The following PIP5K1C variants were observed in gnomAD, a reference collection of about 807,000 sequenced individuals.
PIP5K1C encodes the protein phosphatidylinositol 4-phosphate 5-kinase type-1 gamma.
In PIP5K1C, 45 loss-of-function variants were observed where a neutral mutation model predicts 80.1. The ratio of observed to expected loss-of-function variants is 0.56; its 90% confidence interval spans 0.44 to 0.72. The LOEUF (loss-of-function observed/expected upper bound fraction) is 0.72. Among genes scored for constraint, PIP5K1C ranks in the 30% least tolerant of loss-of-function variants. The probability of loss-of-function intolerance (pLI) is 0.00; values close to 1 mark genes in which losing one functional copy is unlikely to be tolerated. For missense variants in PIP5K1C, 753 were observed against 954.6 expected (o/e 0.79, Z 2.78); for synonymous variants, 498 against 420.1 (o/e 1.19, Z -2.27).
intron 1 of PIP5K1C, among the ~76,000 whole-genome samples, 193 bp from the exon 2 acceptor site, chr19:3,667,546 TG>T (rs1286043925): frequency 3.3e-5 from 5 of 152,178 alleles, no homozygotes; most frequent in Non-Finnish European, 7.4e-5. Flanking sequence ...TGGGGGCCAC[TG>T]GGGCCTGCCA....
intron 10 of PIP5K1C, among the ~76,000 whole-genome samples, chr19:3,646,903 AGAGG>A (rs1255479502): frequency 1.3e-5 from 2 of 151,614 alleles, no homozygotes; most frequent in Non-Finnish European, 2.9e-5. Flanking sequence ...ACAGGAGGAC[AGAGG>A]GAGGAAGGAT....
chr19:3,665,905 C>T (rs2034991016), intron 2 of PIP5K1C, among the ~76,000 whole-genome samples: 1 of 152,140 alleles, frequency 6.6e-6, no homozygotes, highest in South Asian at 2.1e-4. Flanking sequence ...CTCCACTGGC[C>T]AGACCCCATC....
intron 1 of PIP5K1C, among the ~76,000 whole-genome samples, chr19:3,675,397 TG>T (rs2035327249): frequency 6.6e-6 from 1 of 152,158 alleles, no homozygotes; most frequent in African/African-American, 2.4e-5. Context: ...TTGGGGGACT[TG>T]GTCAAGGCTT....
intron 11 of PIP5K1C, among the ~76,000 whole-genome samples, chr19:3,645,216 GC>G (rs1359545934): frequency 2.0e-5 from 3 of 152,162 alleles, no homozygotes; most frequent in Non-Finnish European, 4.4e-5. Flanking sequence ...GATCATTCAT[GC>G]CCCCCACCAG....
At position 3,698,625 on chromosome 19, in the gene PIP5K1C, G is replaced by A. The variant is rs370709108; in HGVS notation, c.94+1672C>T. Among the ~76,000 whole-genome samples the A allele has an allele frequency of 1.9e-4, 29 of 152,250 alleles. 1 individual carries two copies. In the East Asian group the frequency reaches 4.6e-3, roughly 24 times the overall value. On this transcript the variant is annotated intron_variant, in intron 1 of 17. Transcript: ENST00000335312. Reference sequence around the variant, plus strand: ...CTGGCATGGAGTGGGCAGAAGCCAGGGGCGTTGCTCAGCACCCCTAATTTC... The same window carrying A: ...CTGGCATGGAGTGGGCAGAAGCCAGAGGCGTTGCTCAGCACCCCTAATTTC...
intron 6 of PIP5K1C, among the ~76,000 whole-genome samples, chr19:3,655,520 G>A (rs976935597): frequency 2.6e-5 from 4 of 152,248 alleles, no homozygotes; most frequent in Non-Finnish European, 5.9e-5. Flanking sequence ...TAAATAATGC[G>A]TATGGGCACA....
intron 1 of PIP5K1C, among the ~76,000 whole-genome samples, chr19:3,695,109 C>G (rs2036062279): frequency 6.6e-6 from 1 of 152,278 alleles, no homozygotes; most frequent in African/African-American, 2.4e-5. Context: ...TTGTTCCCAT[C>G]TGCAGCCTGA....
At chr19:3,694,067 C>CCGGG (rs1445649211) in intron 1 of PIP5K1C, among the ~76,000 whole-genome samples, 5 of 152,018 alleles carry the variant, frequency 3.3e-5, no homozygotes, top group Admixed American at 2.6e-4. Flanking sequence ...AAAACATTAG[C>CCGGG]CGGGCGTAGT....
In PIP5K1C at chr19:3,643,371, G is replaced by A; in HGVS notation, c.1521C>T (p.Asp507=). 2 of 1,613,558 alleles carry A rather than the reference G, an allele frequency of 1.2e-6. No individual in the cohort carries two copies. The highest frequency in any genetic ancestry group is 1.7e-6 in the Non-Finnish European group (2 of 1,179,908). Residue 507 remains aspartate, a synonymous_variant, in exon 13 of 18, where the codon GAC becomes GAT. Coordinates refer to ENST00000335312, the MANE Select transcript of PIP5K1C (RefSeq NM_012398.3). The part of the protein sequence containing the change: ...YPTLEDEGRP[D]LLPCTPPSFE... Reference sequence around the variant, plus strand: ...AAGAAGGTGGCGTGCAGGGCAGGAGGTCGGGCCGGCCTGAGGGGAGAGGAC... The same window carrying A: ...AAGAAGGTGGCGTGCAGGGCAGGAGATCGGGCCGGCCTGAGGGGAGAGGAC...
intron 3 of PIP5K1C, among the ~76,000 whole-genome samples, chr19:3,663,661 C>A (rs1600014904): frequency 6.6e-6 from 1 of 152,140 alleles, no homozygotes; most frequent in African/African-American, 2.4e-5. Context: ...CCAAAACAAA[C>A]AAAAAGACAC....
chr19:3,667,403 G>A (rs1365117267), intron 1 of PIP5K1C, 50 bp from the exon 2 acceptor site: 3 of 1,610,976 alleles, frequency 1.9e-6, no homozygotes, highest in Non-Finnish European at 2.5e-6. Context: ...TGACCTCTGG[G>A]AGTCCTGGGC....
At chr19:3,642,453 C>A (rs1307457447) in intron 14 of PIP5K1C, among the ~76,000 whole-genome samples, 2 of 152,168 alleles carry the variant, frequency 1.3e-5, no homozygotes, top group Non-Finnish European at 2.9e-5. Flanking sequence ...GTGACAACAG[C>A]AAGGTGTGGG....
At chr19:3,682,489 G>A (rs1004033630) in intron 1 of PIP5K1C, among the ~76,000 whole-genome samples, 5 of 151,682 alleles carry the variant, frequency 3.3e-5, no homozygotes, top group East Asian at 1.9e-4. Flanking sequence ...AGACCAGACC[G>A]AGCAACATAG....
chr19:3,667,717 T>C (rs1488707683), intron 1 of PIP5K1C, among the ~76,000 whole-genome samples: 1 of 151,804 alleles, frequency 6.6e-6, no homozygotes. Context: ...GGAGCAAACC[T>C]CCCCCGGCTC....
intron 15 of PIP5K1C, among the ~76,000 whole-genome samples, chr19:3,639,427 C>G (rs2033865441): frequency 1.3e-5 from 2 of 152,084 alleles, no homozygotes; most frequent in Admixed American, 1.3e-4. Context: ...GAGCTTCTTC[C>G]TTCTTTCATT....
chr19:3,698,564 T>C (rs1166088316), intron 1 of PIP5K1C, among the ~76,000 whole-genome samples: 1 of 152,242 alleles, frequency 6.6e-6, no homozygotes, highest in Non-Finnish European at 1.5e-5. Context: ...GAACGGTGTC[T>C]GGGTCACTTG....
rs545856738 is a variant in PIP5K1C, at chr19:3,655,107, C to CAAA, written c.621+1295_621+1297dup. Among the ~76,000 whole-genome samples the CAAA allele has an allele frequency of 3.5e-3, 160 of 45,350 alleles. 1 individual carries two copies. The highest frequency in any genetic ancestry group is 5.4e-3 in the East Asian group (8 of 1,472). The allele number at this position is 45,350 out of a possible 152,430, so 29.8% of individuals were successfully genotyped here. A position where few individuals can be genotyped will look rare whatever the true frequency, so the allele number is the denominator to read the frequency against. On this transcript the variant is annotated intron_variant, in intron 6 of 17. Transcript: ENST00000335312. ...TGGGTGACAGAGCGAGACTCCATCT[C>CAAA]AAAAAAAAAAAAAAAAAAAAAAATG...
chr19:3,652,794 C>G (rs553921937), intron 7 of PIP5K1C, among the ~76,000 whole-genome samples: 9 of 152,238 alleles, frequency 5.9e-5, no homozygotes, highest in African/African-American at 2.2e-4. Flanking sequence ...AACTGAGGCA[C>G]AGCAAGCTCT....
At chr19:3,643,961 G>C in intron 12 of PIP5K1C, 126 bp downstream of exon 12, 1 of 1,138,474 alleles carries the variant, frequency 8.8e-7, no homozygotes, top group South Asian at 1.4e-5. Context: ...CTGGGCAGGC[G>C]GCCCTGCAGA....
Sources: gnomAD v4.1 joint callset for allele counts (sites outside exome capture counted in the v4.1 genomes callset) on GRCh38, gnomAD v4.1.1 for gene constraint, MANE v1.5 for transcripts, NCBI Gene and HGNC (gene_info 2026-07-23, HGNC 2026-07-21) for gene names.